CTNNA2: variants seen among roughly 807,000 people sequenced by gnomAD.
CTNNA2 encodes catenin alpha-2.
Under a neutral mutation model 101.0 loss-of-function variants are expected in CTNNA2, and 42 were observed. That is an observed-to-expected ratio of 0.42 (90% CI 0.32 to 0.54). The LOEUF (loss-of-function observed/expected upper bound fraction) is 0.54. CTNNA2 is among the 20% of genes least tolerant of loss of function. The pLI is 0.14. For missense variants in CTNNA2, 871 were observed against 1,223.1 expected, an observed-to-expected ratio of 0.71 and a Z score of 4.29; for synonymous variants, 450 against 456.4, an observed-to-expected ratio of 0.99 and a Z score of 0.18.
At chr2:80,293,953 T>G (rs1036104639) in intron 7 of CTNNA2, among the ~76,000 whole-genome samples, 1 of 152,166 alleles carries the variant, frequency 6.6e-6, no homozygotes. Context: ...TGTCAAACTT[T>G]GTAACTGCAG....
At chr2:79,536,108 T>C (rs1386883865) in intron 1 of CTNNA2, among the ~76,000 whole-genome samples, 1 of 152,098 alleles carries the variant, frequency 6.6e-6, no homozygotes, top group Admixed American at 6.5e-5. Flanking sequence ...AGGCACTGAT[T>C]GGGGTCTGCT....
intron 3 of CTNNA2, among the ~76,000 whole-genome samples, chr2:79,350,573 T>C (rs1434620806): frequency 1.3e-5 from 2 of 152,174 alleles, no homozygotes; most frequent in South Asian, 2.1e-4. Context: ...ACTTTGATGT[T>C]GTGAATAGTG....
At chr2:80,585,345 G>C (rs909485598) in intron 14 of CTNNA2, among the ~76,000 whole-genome samples, 1 of 152,130 alleles carries the variant, frequency 6.6e-6, no homozygotes, top group East Asian at 1.9e-4. Context: ...TCAGAGGAAA[G>C]GCTGGGAGGG....
chr2:79,278,771 A>G (rs888546662), intron 2 of CTNNA2, among the ~76,000 whole-genome samples: 4 of 152,118 alleles, frequency 2.6e-5, no homozygotes, highest in African/African-American at 9.6e-5. Flanking sequence ...TCAGGGACTG[A>G]CTGGGTTATC....
intron 1 of CTNNA2, among the ~76,000 whole-genome samples, chr2:79,548,737 C>T (rs192788302): frequency 6.6e-6 from 1 of 152,326 alleles, no homozygotes; most frequent in Admixed American, 6.5e-5. Context: ...ATATTCCCTT[C>T]TCTGATTTCT....
At chr2:80,341,017 T>G (rs1053214590) in intron 7 of CTNNA2, among the ~76,000 whole-genome samples, 1 of 152,112 alleles carries the variant, frequency 6.6e-6, no homozygotes, top group African/African-American at 2.4e-5. Flanking sequence ...AACAGCCAGA[T>G]GAAGGAGTAC....
At chr2:80,004,589 G>A (rs576287414) in intron 7 of CTNNA2, among the ~76,000 whole-genome samples, 46 of 152,216 alleles carry the variant, frequency 3.0e-4, no homozygotes, top group Admixed American at 2.2e-3. Context: ...ATGTTAGAGA[G>A]GAAGAGAAAA....
At chr2:80,064,325 CT>C (rs1447655556) in intron 7 of CTNNA2, among the ~76,000 whole-genome samples, 1 of 152,172 alleles carries the variant, frequency 6.6e-6, no homozygotes, top group Non-Finnish European at 1.5e-5. Flanking sequence ...GGGAATTTAC[CT>C]CTTTGACAAG....
At chr2:80,238,759 G>T (rs6547300) in intron 7 of CTNNA2, among the ~76,000 whole-genome samples, 9 of 152,024 alleles carry the variant, frequency 5.9e-5, no homozygotes, top group Non-Finnish European at 1.0e-4. Context: ...ATTAGGGTAA[G>T]TAAAGTAAAA....
At chr2:79,618,475 G>A (rs1678784328) in intron 1 of CTNNA2, among the ~76,000 whole-genome samples, 1 of 151,976 alleles carries the variant, frequency 6.6e-6, no homozygotes, top group African/African-American at 2.4e-5. Context: ...TTTAATGGGA[G>A]GTTTAGTTCA....
At chr2:79,419,169 C>T (rs1484553038) in intron 4 of CTNNA2, among the ~76,000 whole-genome samples, 3 of 152,128 alleles carry the variant, frequency 2.0e-5, no homozygotes, top group African/African-American at 7.2e-5. Context: ...GTTTGTGTTA[C>T]TTACTAGCTT....
chr2:80,111,695 C>T (rs1701219557), intron 7 of CTNNA2, among the ~76,000 whole-genome samples: 1 of 152,090 alleles, frequency 6.6e-6, no homozygotes, highest in African/African-American at 2.4e-5. Flanking sequence ...GCATGCACCA[C>T]CACGCTAGGC....
chr2:80,299,927 C>A (rs561980083), intron 7 of CTNNA2, among the ~76,000 whole-genome samples: 2 of 152,254 alleles, frequency 1.3e-5, no homozygotes, highest in East Asian at 3.9e-4. Context: ...GTTAAGTTCA[C>A]GGAATCCAAG....
intron 7 of CTNNA2, among the ~76,000 whole-genome samples, chr2:80,351,464 G>T (rs1352255123): frequency 6.6e-6 from 1 of 152,034 alleles, no homozygotes; most frequent in African/African-American, 2.4e-5. Flanking sequence ...CACATTCCTG[G>T]GAAAATAGCT....
At chr2:80,584,060 T>C (rs538454130) in intron 14 of CTNNA2, among the ~76,000 whole-genome samples, 3 of 152,278 alleles carry the variant, frequency 2.0e-5, no homozygotes, top group African/African-American at 7.2e-5. Context: ...CATGGAATTA[T>C]GGCTGTTAAG....
intron 7 of CTNNA2, among the ~76,000 whole-genome samples, chr2:80,093,150 C>G (rs1006367995): frequency 4.6e-4 from 70 of 151,996 alleles, no homozygotes; most frequent in African/African-American, 1.7e-3. Flanking sequence ...TGCTATCCCC[C>G]CTGCTCCCCC....
At chr2:79,294,599 T>C (rs1558611115) in intron 2 of CTNNA2, among the ~76,000 whole-genome samples, 1 of 152,178 alleles carries the variant, frequency 6.6e-6, no homozygotes, top group Non-Finnish European at 1.5e-5. Context: ...AGATACCAAA[T>C]AGAGACTTTG....
chr2:79,337,892 T>C (rs561381118), intron 3 of CTNNA2, among the ~76,000 whole-genome samples: 291 of 152,266 alleles, frequency 1.9e-3, no homozygotes, highest in African/African-American at 6.3e-3. Flanking sequence ...GGTTCTGATT[T>C]ATTCAAGGAG....
chr2:80,051,774 C>T (rs1572949826), intron 7 of CTNNA2, among the ~76,000 whole-genome samples: 1 of 152,094 alleles, frequency 6.6e-6, no homozygotes, highest in Non-Finnish European at 1.5e-5. Flanking sequence ...ACAATGGCTG[C>T]ATTTCAAGCG....
Sources: gnomAD v4.1 joint callset for allele counts (sites outside exome capture counted in the v4.1 genomes callset) on GRCh38, gnomAD v4.1.1 for gene constraint, MANE v1.5 for transcripts, NCBI Gene and HGNC (gene_info 2026-07-23, HGNC 2026-07-21) for gene names.